Variants in NCS1 observed in about 807,000 individuals in gnomAD.
NCS1 encodes neuronal calcium sensor 1.
A neutral mutation model predicts 28.4 loss-of-function variants in NCS1; 6 were observed. The observed-to-expected ratio is 0.21, with a 90% CI of 0.12 to 0.42. The LOEUF is 0.42. NCS1 is among the 10% of genes least tolerant of loss of function. The pLI is 1.00. For missense variants in NCS1, 131 were observed against 241.4 expected (o/e 0.54, Z 3.03); for synonymous variants, 86 against 99.3 (o/e 0.87, Z 0.79).
intron 2 of NCS1, among the ~76,000 whole-genome samples, chr9:130,214,593 G>T (rs1282198770): frequency 6.6e-6 from 1 of 152,154 alleles, no homozygotes; most frequent in Non-Finnish European, 1.5e-5. Flanking sequence ...CACTTGATCA[G>T]ATATCGTGGG....
chr9:130,179,027 C>G (rs544715356), intron 1 of NCS1, among the ~76,000 whole-genome samples: 1 of 149,590 alleles, frequency 6.7e-6, no homozygotes, highest in Non-Finnish European at 1.5e-5. Flanking sequence ...CTCCACCTCC[C>G]GGGTTCAAGC....
chr9:130,187,885 G>T (rs1832760731), intron 1 of NCS1, among the ~76,000 whole-genome samples: 1 of 152,222 alleles, frequency 6.6e-6, no homozygotes, highest in South Asian at 2.1e-4. Flanking sequence ...AGCTGTGATG[G>T]AGGCCACACA....
chr9:130,172,554 G>A lies in NCS1; in HGVS notation c.-110G>A. 2.5e-6 allele frequency: 1 copy of A among 393,774 alleles called. No homozygotes were observed. The highest frequency in any genetic ancestry group is 3.5e-6 in the Non-Finnish European group (1 of 284,582). The allele number at this position is 393,774 out of a possible 1,614,324, so 24.4% of individuals were successfully genotyped here. A position where few individuals can be genotyped will look rare whatever the true frequency, so the allele number is the denominator to read the frequency against. On this transcript the variant is annotated 5_prime_UTR_variant, in exon 1 of 8. Coordinates refer to ENST00000372398, the MANE Select transcript of NCS1 (RefSeq NM_014286.4). The stretch of plus-strand genomic sequence containing the variant: ...GCCGACAGCCGCGCAGCGCAGCGCG[G>A]GCGCCGCAGACAAAGGCGCGGCCCC...
rs1325956380 is a variant in NCS1, at chr9:130,215,318, G to T, written c.90-2514G>T. ...AGAAGGCAGGTTTAAGGGCCAGGAC[G>T]GGGGTGGCTGTGTCCCTTCCTCCTG... On this transcript the variant is annotated intron_variant, in intron 2 of 7. Coordinates refer to ENST00000372398, the MANE Select transcript of NCS1 (RefSeq NM_014286.4). This position sits in a 1 kb window ranked among gnomAD's most constrained non-coding sequence, Gnocchi z 4.2. Among the ~76,000 whole-genome samples the T allele has an allele frequency of 6.6e-6, 1 of 152,264 alleles. No homozygotes were observed. The highest frequency in any genetic ancestry group is 2.1e-4 in the South Asian group (1 of 4,828).
chr9:130,219,766 G>A lies in NCS1; in HGVS notation c.270G>A (p.Ser90=), dbSNP rs11552457. 3.6e-4 allele frequency: 582 copies of A among 1,614,208 alleles called. 2 individuals carry two copies. Among genetic ancestry groups the A allele is most frequent in the Middle Eastern group, 2.6e-3 (16 of 6,062 alleles). ...IEFSEFIQAL[S]VTSRGTLDEK... ...TCTCCGAGTTCATCCAGGCGCTGTC[G>A]GTGACCTCACGGGGAACCCTGGATG... The change falls in exon 4 of 8, where the codon TCG becomes TCA. Residue 90 remains serine (S), a synonymous_variant. Coordinates refer to ENST00000372398, the MANE Select transcript of NCS1 (RefSeq NM_014286.4). This position sits in a 1 kb window ranked among gnomAD's most constrained non-coding sequence, Gnocchi z 5.7.
chr9:130,223,271 C>G, intron 6 of NCS1, 112 bp downstream of exon 6: 1 of 951,662 alleles, frequency 1.1e-6, no homozygotes, highest in Non-Finnish European at 1.6e-6. Flanking sequence ...CTCCATGGCT[C>G]ACGGCAGGCG....
At chr9:130,178,524 G>C (rs1418500603) in intron 1 of NCS1, among the ~76,000 whole-genome samples, 1 of 152,222 alleles carries the variant, frequency 6.6e-6, no homozygotes, top group African/African-American at 2.4e-5. Flanking sequence ...TTTGGGGCAA[G>C]GCATGGGCAG....
chr9:130,192,644 C>A lies in NCS1; in HGVS notation c.65-8314C>A, dbSNP rs1832829655. 6.6e-6 allele frequency among the ~76,000 whole-genome samples: 1 copy of A among 152,054 alleles called. No individual in the cohort carries two copies. The highest frequency in any genetic ancestry group is 2.1e-4 in the South Asian group (1 of 4,814). On this transcript the variant is annotated intron_variant, in intron 1 of 7. Transcript: ENST00000372398. This position sits in a 1 kb window ranked among gnomAD's most constrained non-coding sequence, Gnocchi z 4.8. Reference sequence around the variant, plus strand: ...TGGGCAGCCAGGACTCCCTGCCCACCCAGGAACACCAGCATATATCCCCGG... The same window carrying A: ...TGGGCAGCCAGGACTCCCTGCCCACACAGGAACACCAGCATATATCCCCGG...
chr9:130,182,082 C>T lies in NCS1; in HGVS notation c.64+9355C>T, dbSNP rs542146083. Reference sequence around the variant, plus strand: ...GGGGGGAGATGACAGCAATGACGACCACCGTTTACCCAGTGGGCACTCGGG... The same window carrying T: ...GGGGGGAGATGACAGCAATGACGACTACCGTTTACCCAGTGGGCACTCGGG... On this transcript the variant is annotated intron_variant, in intron 1 of 7. Transcript: ENST00000372398. Among the ~76,000 whole-genome samples, 5 of 152,068 alleles carry T rather than the reference C, an allele frequency of 3.3e-5. No individual in the cohort carries two copies. In the East Asian group the frequency reaches 9.7e-4, roughly 30 times the overall value.
intron 1 of NCS1, among the ~76,000 whole-genome samples, chr9:130,188,780 A>G (rs1305307414): frequency 6.0e-5 from 9 of 150,296 alleles, no homozygotes; most frequent in African/African-American, 2.2e-4. Flanking sequence ...GCAGTGGTGC[A>G]ATCTTGGCTT....
rs115647094 is a variant in NCS1, at chr9:130,217,002, G to T, written c.90-830G>T. Among the ~76,000 whole-genome samples, 814 of 152,248 alleles carry T rather than the reference G, an allele frequency of 5.3e-3. 2 individuals carry two copies. The highest frequency in any genetic ancestry group is 0.019 in the African/African-American group (780 of 41,532). On this transcript the variant is annotated intron_variant, in intron 2 of 7. Transcript: ENST00000372398. ...ACATATTTAAGTTCACAATTCTAAA[G>T]ATCACACTCTCGACTCATTTTTGTG...
rs149001436 is a variant in NCS1, at chr9:130,206,856, G to A, written c.89+5874G>A. The stretch of plus-strand genomic sequence containing the variant: ...GGGTCCAGCCATCCGGGGTGGGAGC[G>A]GCAGTAGGAGGGAGGGACATTCAGG... On this transcript the variant is annotated intron_variant, in intron 2 of 7. Coordinates refer to ENST00000372398, the MANE Select transcript of NCS1 (RefSeq NM_014286.4). 3.3e-3 allele frequency among the ~76,000 whole-genome samples: 506 copies of A among 151,296 alleles called. 3 individuals are homozygous for A. The highest frequency in any genetic ancestry group is 6.0e-3 in the Non-Finnish European group (410 of 67,988).
chr9:130,188,938 A>G (rs1832777365), intron 1 of NCS1, among the ~76,000 whole-genome samples: 2 of 150,542 alleles, frequency 1.3e-5, no homozygotes, highest in Admixed American at 1.3e-4. Context: ...GCTGGTCTCA[A>G]ACTCCTGACC....
intron 1 of NCS1, among the ~76,000 whole-genome samples, chr9:130,178,866 C>CTT (rs1564701491): frequency 2.3e-5 from 1 of 42,876 alleles, no homozygotes; most frequent in African/African-American, 8.3e-5. Context: ...CCTCCCCTCC[C>CTT]CTCCCCTCCC....
intron 2 of NCS1, among the ~76,000 whole-genome samples, chr9:130,214,314 G>T (rs1171838669): frequency 6.6e-6 from 1 of 152,184 alleles, no homozygotes; most frequent in East Asian, 1.9e-4. Flanking sequence ...GTTAAAGAAA[G>T]CGATATTCTC....
chr9:130,178,357 C>G lies in NCS1; in HGVS notation c.64+5630C>G, dbSNP rs570674739. On this transcript the variant is annotated intron_variant, in intron 1 of 7. Coordinates refer to ENST00000372398, the MANE Select transcript of NCS1 (RefSeq NM_014286.4). Reference sequence around the variant, plus strand: ...AGGCTCTTTTTGCCCTTTCTGCCTCCTTGGGCTCCAGGTTAAATGGGACCC... The same window carrying G: ...AGGCTCTTTTTGCCCTTTCTGCCTCGTTGGGCTCCAGGTTAAATGGGACCC... 5.9e-5 allele frequency among the ~76,000 whole-genome samples: 9 copies of G among 152,348 alleles called. No homozygotes were observed. In the South Asian group the frequency reaches 1.0e-3, roughly 18 times the overall value.
At chr9:130,202,396 C>T (rs957536720) in intron 2 of NCS1, among the ~76,000 whole-genome samples, 7 of 148,276 alleles carry the variant, frequency 4.7e-5, no homozygotes, top group Non-Finnish European at 1.0e-4. Context: ...TTCCCACTGC[C>T]CTGTGCCTCC....
rs138519365 is a variant in NCS1 at position 130,188,993 on chromosome 9, A to T, written c.65-11965A>T. ...TGGTCTCCCAAAGTGCTGGGATTACAGGCATGAGCCACTGGGCCCAGCTGA... is the reference window on the plus strand; with the variant it reads ...TGGTCTCCCAAAGTGCTGGGATTACTGGCATGAGCCACTGGGCCCAGCTGA... On this transcript the variant is annotated intron_variant, in intron 1 of 7. Transcript: ENST00000372398. Among the ~76,000 whole-genome samples, 769 of 152,378 alleles carry T rather than the reference A, an allele frequency of 5.0e-3. 2 individuals carry two copies. Among genetic ancestry groups the T allele is most frequent in the Non-Finnish European group, 8.5e-3 (581 of 68,036 alleles).
Position 130,186,441 on chromosome 9 carries a change from A to G in NCS1, c.64+13714A>G, listed in dbSNP as rs1025492835. Among the ~76,000 whole-genome samples the G allele has an allele frequency of 1.3e-5, 2 of 152,110 alleles. No homozygotes were observed. Among genetic ancestry groups the G allele is most frequent in the African/African-American group, 4.8e-5 (2 of 41,412 alleles). ...TGTTTACCTGATATTTGAACTTAAC[A>G]GGGTATCTGTATTTTTGTTTGCTGA... On this transcript the variant is annotated intron_variant, in intron 1 of 7. Coordinates refer to ENST00000372398, the MANE Select transcript of NCS1 (RefSeq NM_014286.4). This position sits in a 1 kb window ranked among gnomAD's most constrained non-coding sequence, Gnocchi z 4.1.
Sources: gnomAD v4.1 joint callset for allele counts (sites outside exome capture counted in the v4.1 genomes callset) on GRCh38, gnomAD v4.1.1 for gene constraint, Gnocchi (gnomAD v3.1) non-coding constraint, MANE v1.5 for transcripts, NCBI Gene and HGNC (gene_info 2026-07-23, HGNC 2026-07-21) for gene names.